The following SLC7A5 variants were observed in gnomAD, a reference collection of about 807,000 sequenced individuals.
The protein encoded by SLC7A5 is large neutral amino acids transporter small subunit 1.
A neutral mutation model predicts 50.2 loss-of-function variants in SLC7A5; 23 were observed. The observed-to-expected ratio is 0.46, with a 90% CI of 0.33 to 0.65. SLC7A5 has a LOEUF of 0.65. Among genes scored for constraint, SLC7A5 ranks in the 30% least tolerant of loss-of-function variants. SLC7A5 has a pLI of 0.02. For missense variants in SLC7A5, 578 were observed against 684.4 expected (o/e 0.84, Z 1.73); for synonymous variants, 393 against 330.6 (o/e 1.19, Z -2.05).
intron 5 of SLC7A5, 26 bp downstream of exon 5, chr16:87,839,676 G>C (rs763387385): frequency 6.2e-7 from 1 of 1,612,634 alleles, no homozygotes; most frequent in East Asian, 2.2e-5. Flanking sequence ...CAGGCCCCTG[G>C]TGGAAGCTGG....
intron 2 of SLC7A5, among the ~76,000 whole-genome samples, chr16:87,844,638 A>C (rs1191066580): frequency 6.6e-6 from 1 of 152,216 alleles, no homozygotes; most frequent in African/African-American, 2.4e-5. Context: ...TGGAGAGAAG[A>C]GCCTGCCCAG....
At position 87,862,750 on chromosome 16, in the gene SLC7A5, CCA is replaced by C. The variant is rs1353048335; in HGVS notation, c.538+6133_538+6134del. Among the ~76,000 whole-genome samples the C allele has an allele frequency of 6.6e-6, 1 of 152,266 alleles. No individual in the cohort carries two copies. The highest frequency in any genetic ancestry group is 1.5e-5 in the Non-Finnish European group (1 of 68,048). On this transcript the variant is annotated intron_variant, in intron 1 of 9. Coordinates refer to ENST00000261622, the MANE Select transcript of SLC7A5 (RefSeq NM_003486.7). This position sits in a 1 kb window ranked among gnomAD's most constrained non-coding sequence, Gnocchi z 5.3. ...ACCTGGCGCTGGGGCCAATCCCATTCCACAGTCAGAAACAGGCTCGGCGGGGC... is the reference window on the plus strand; with the variant it reads ...ACCTGGCGCTGGGGCCAATCCCATTCCAGTCAGAAACAGGCTCGGCGGGGC...
intron 1 of SLC7A5, among the ~76,000 whole-genome samples, chr16:87,854,488 T>C (rs1305819999): frequency 1.3e-5 from 2 of 152,198 alleles, no homozygotes; most frequent in Non-Finnish European, 2.9e-5. Context: ...AAGTCTGGGG[T>C]TTGAACCTCA....
chr16:87,833,141 C>T lies in SLC7A5; in HGVS notation c.1469-116G>A. 1.2e-6 allele frequency: 1 copy of T among 856,490 alleles called. No homozygotes were observed. The highest frequency in any genetic ancestry group is 2.0e-6 in the Non-Finnish European group (1 of 496,440). 53.1% of individuals were successfully genotyped at this position (856,490 alleles called of 1,614,324 possible). ...CTGTCACCAAACCCAGCGCCGCTGC[C>T]CAGCGCTGGGATTTTAAGGAACCTT... On this transcript the variant is annotated intron_variant, in intron 9 of 9. Coordinates refer to ENST00000261622, the MANE Select transcript of SLC7A5 (RefSeq NM_003486.7). The surrounding 1 kb of genome is among the most constrained non-coding windows in gnomAD (Gnocchi z 6.0).
chr16:87,865,710 T>C (rs1567503595), intron 1 of SLC7A5, among the ~76,000 whole-genome samples: 2 of 151,864 alleles, frequency 1.3e-5, no homozygotes, highest in Non-Finnish European at 1.5e-5. Flanking sequence ...ATCTCAAAGA[T>C]AAAATAAAAT....
Position 87,833,003 on chromosome 16 carries a change from C to T in SLC7A5, c.1491G>A (p.Gln497=), listed in dbSNP as rs762890107. 6.2e-7 allele frequency: 1 copy of T among 1,613,938 alleles called. No individual in the cohort carries two copies. The highest frequency in any genetic ancestry group is 8.5e-7 in the Non-Finnish European group (1 of 1,179,928). ...CCTGGGGGACCACCTGCATGAGCTT[C>T]TGACACAGGACGGTCGTGGAGACTG... ...QGIFSTTVLC[Q]KLMQVVPQET is the part of the protein sequence containing the mutation. The change falls in exon 10 of 10, where the codon CAG becomes CAA. Residue 497 remains glutamine, a synonymous_variant. Transcript: ENST00000261622. The surrounding 1 kb of genome is among the most constrained non-coding windows in gnomAD (Gnocchi z 6.0).
In SLC7A5 at chr16:87,830,275, C is replaced by A; in HGVS notation, c.*2695G>T. The A allele has an allele frequency of 6.6e-6, 1 of 152,356 alleles. No individual in the cohort carries two copies. 9.4% of individuals were successfully genotyped at this position (152,356 alleles called of 1,614,324 possible). On this transcript the variant is annotated 3_prime_UTR_variant, in exon 10 of 10. Coordinates refer to ENST00000261622, the MANE Select transcript of SLC7A5 (RefSeq NM_003486.7). ...CGCAGAGCAGCAAGGCTGAGCATGACCACTGGAAATAAATAAACATGGTGC... is the reference window on the plus strand; with the variant it reads ...CGCAGAGCAGCAAGGCTGAGCATGAACACTGGAAATAAATAAACATGGTGC...
chr16:87,864,523 G>T (rs1225620731), intron 1 of SLC7A5, among the ~76,000 whole-genome samples: 3 of 152,130 alleles, frequency 2.0e-5, no homozygotes, highest in African/African-American at 7.2e-5. Context: ...TCTCCGAGCT[G>T]AAGTCAGAAT....
intron 2 of SLC7A5, among the ~76,000 whole-genome samples, chr16:87,845,934 G>A (rs530025598): frequency 1.3e-5 from 2 of 152,192 alleles, no homozygotes; most frequent in South Asian, 2.1e-4. Flanking sequence ...ACACGGCACC[G>A]GCAGAGCCCC....
chr16:87,846,366 C>G (rs1264142377), intron 2 of SLC7A5, among the ~76,000 whole-genome samples: 2 of 152,276 alleles, frequency 1.3e-5, no homozygotes, highest in Non-Finnish European at 2.9e-5. Flanking sequence ...TTAACACAGC[C>G]TGTACCCAGC....
At chr16:87,855,338 G>A (rs2055302508) in intron 1 of SLC7A5, among the ~76,000 whole-genome samples, 2 of 152,054 alleles carry the variant, frequency 1.3e-5, no homozygotes, top group South Asian at 2.1e-4. Context: ...GACCATGCAA[G>A]AAGGCACCTG....
chr16:87,851,349 G>T (rs1305310883), intron 2 of SLC7A5, among the ~76,000 whole-genome samples: 1 of 152,250 alleles, frequency 6.6e-6, no homozygotes, highest in Admixed American at 6.5e-5. Flanking sequence ...CAGACCCAGG[G>T]TGAGATGGCT....
At position 87,862,045 on chromosome 16, in the gene SLC7A5, TG is replaced by T. The variant is rs1251350482; in HGVS notation, c.538+6839del. Among the ~76,000 whole-genome samples, 3 of 152,168 alleles carry T rather than the reference TG, an allele frequency of 2.0e-5. No homozygotes were observed. The highest frequency in any genetic ancestry group is 3.9e-4 in the East Asian group (2 of 5,168). ...AGCCAGGATCCCAGCTGTGGGGGGTTGGGGGTGGAGGGGTGCAGGGATCCCA... is the reference window on the plus strand; with the variant it reads ...AGCCAGGATCCCAGCTGTGGGGGGTTGGGGTGGAGGGGTGCAGGGATCCCA... On this transcript the variant is annotated intron_variant, in intron 1 of 9. Coordinates refer to ENST00000261622, the MANE Select transcript of SLC7A5 (RefSeq NM_003486.7). The surrounding 1 kb of genome is among the most constrained non-coding windows in gnomAD (Gnocchi z 5.3).
chr16:87,867,760 G>A (rs1033679182), intron 1 of SLC7A5, among the ~76,000 whole-genome samples: 9 of 151,986 alleles, frequency 5.9e-5, no homozygotes, highest in Admixed American at 1.3e-4. Flanking sequence ...ACCTTCCCAC[G>A]CCACCCAACC....
Position 87,851,761 on chromosome 16 carries a change from G to A in SLC7A5, c.627C>T (p.Ala209=). ...AFAAAKLLAL[A]LIILLGFVQI... ...GGACGAAGCCCAGCAGGATGATCAG[G>A]GCCAGGGCCAGGAGCTTGGCGGCGG... The change falls in exon 2 of 10, where the codon GCC becomes GCT. Residue 209 remains alanine, a synonymous_variant. Transcript: ENST00000261622. 1 of 1,613,214 alleles carries A rather than the reference G, an allele frequency of 6.2e-7. No homozygotes were observed. Among genetic ancestry groups the A allele is most frequent in the African/African-American group, 1.3e-5 (1 of 75,052 alleles).
rs568286749 is a variant in SLC7A5, at chr16:87,861,252, G to A, written c.538+7633C>T. Among the ~76,000 whole-genome samples, 1 of 152,284 alleles carries A rather than the reference G, an allele frequency of 6.6e-6. No homozygotes were observed. The highest frequency in any genetic ancestry group is 1.5e-5 in the Non-Finnish European group (1 of 68,008). On this transcript the variant is annotated intron_variant, in intron 1 of 9. Coordinates refer to ENST00000261622, the MANE Select transcript of SLC7A5 (RefSeq NM_003486.7). The surrounding 1 kb of genome is among the most constrained non-coding windows in gnomAD (Gnocchi z 4.2). Reference sequence around the variant, plus strand: ...GGTACCTGGATGTGAGTCTGGGAAGGATGGAGAAGGGTGGAGGAGCGCAAA... The same window carrying A: ...GGTACCTGGATGTGAGTCTGGGAAGAATGGAGAAGGGTGGAGGAGCGCAAA...
intron 2 of SLC7A5, among the ~76,000 whole-genome samples, chr16:87,846,698 C>T (rs531542810): frequency 1.1e-4 from 17 of 152,290 alleles, no homozygotes; most frequent in Admixed American, 6.5e-4. Context: ...GGCCTCTCAC[C>T]GACTCTCCCG....
chr16:87,848,203 T>C (rs1291894044), intron 2 of SLC7A5, among the ~76,000 whole-genome samples: 3 of 152,260 alleles, frequency 2.0e-5, no homozygotes, highest in Non-Finnish European at 4.4e-5. Context: ...AGAAAGTTTT[T>C]ATGCAACCTT....
intron 1 of SLC7A5, chr16:87,854,081 C>A (rs913379092): frequency 2.8e-5 from 4 of 143,230 alleles, no homozygotes; most frequent in African/African-American, 7.7e-5. Flanking sequence ...CGCCCCCCCC[C>A]CCACCGCCAG....
Sources: allele counts gnomAD v4.1 joint callset (sites outside exome capture counted in the v4.1 genomes callset), GRCh38; gene constraint gnomAD v4.1.1; non-coding constraint Gnocchi (gnomAD v3.1); transcripts MANE v1.5; gene names NCBI Gene and HGNC (gene_info 2026-07-23, HGNC 2026-07-21).